The following TNRC6B variants were observed in gnomAD, a reference collection of about 807,000 sequenced individuals.
TNRC6B encodes trinucleotide repeat containing adaptor 6B.
TNRC6B carries 52 observed loss-of-function variants against 203.6 expected under a neutral mutation model. The observed-to-expected ratio is 0.26, with a 90% confidence interval of 0.20 to 0.32. The LOEUF (loss-of-function observed/expected upper bound fraction) is 0.32, where lower values mean the gene tolerates loss of function less well. Among genes scored for constraint, TNRC6B ranks in the 10% least tolerant of loss-of-function variants. The probability of loss-of-function intolerance (pLI) is 1.00; values close to 1 mark genes in which losing one functional copy is unlikely to be tolerated. For missense variants in TNRC6B, 1,923 were observed against 2,286.2 expected (o/e 0.84, Z 3.24); for synonymous variants, 838 against 845.7 (o/e 0.99, Z 0.16).
intron 3 of TNRC6B, among the ~76,000 whole-genome samples, chr22:40,146,761 C>T (rs895948169): frequency 3.3e-5 from 5 of 152,036 alleles, no homozygotes; most frequent in African/African-American, 7.2e-5. Flanking sequence ...GACAGGGTTT[C>T]GCCATGTTGG....
chr22:40,183,243 G>A (rs534718057), intron 1 of TNRC6B, among the ~76,000 whole-genome samples: 2 of 152,290 alleles, frequency 1.3e-5, no homozygotes, highest in South Asian at 2.1e-4. Context: ...TTGTTGCTTA[G>A]TAAGTGTTTC....
intron 1 of TNRC6B, among the ~76,000 whole-genome samples, chr22:40,245,576 A>T (rs2070095732): frequency 6.6e-6 from 1 of 152,154 alleles, no homozygotes; most frequent in Non-Finnish European, 1.5e-5. Flanking sequence ...AAATGGGAAA[A>T]CACCTAATTT....
At chr22:40,297,575 A>G (rs984157296) in intron 12 of TNRC6B, among the ~76,000 whole-genome samples, 3 of 152,158 alleles carry the variant, frequency 2.0e-5, no homozygotes, top group Admixed American at 6.5e-5. Flanking sequence ...TGTAATCCCA[A>G]TACTTCGGGA....
intron 2 of TNRC6B, among the ~76,000 whole-genome samples, chr22:40,122,486 G>A (rs1394737475): frequency 2.0e-5 from 3 of 152,232 alleles, no homozygotes; most frequent in African/African-American, 7.2e-5. Flanking sequence ...GTTTATGGGT[G>A]GAGGAGAAGA....
At chr22:40,116,578 C>CA (rs1443993347) in intron 1 of TNRC6B, among the ~76,000 whole-genome samples, 1 of 152,000 alleles carries the variant, frequency 6.6e-6, no homozygotes, top group Non-Finnish European at 1.5e-5. Context: ...GAAATGGCCC[C>CA]AACAAGCAAG....
intron 12 of TNRC6B, 135 bp downstream of exon 12, chr22:40,285,905 C>G (rs951270097): frequency 8.4e-7 from 1 of 1,196,378 alleles, no homozygotes; most frequent in Non-Finnish European, 1.2e-6. Flanking sequence ...CTTTTCTTGA[C>G]CTTTTGGCTA....
chr22:40,305,576 G>T (rs2071078547), intron 15 of TNRC6B, among the ~76,000 whole-genome samples: 1 of 152,160 alleles, frequency 6.6e-6, no homozygotes, highest in African/African-American at 2.4e-5. Context: ...CTAGCGTCAG[G>T]CTGGTTACTA....
intron 12 of TNRC6B, among the ~76,000 whole-genome samples, chr22:40,294,073 C>CA (rs11354611): frequency 0.028 from 2,223 of 80,290 alleles, 87 homozygotes; most frequent in African/African-American, 0.099. Context: ...CCCATCTCTA[C>CA]AAAAAAAAAA....
chr22:40,266,711 GC>G lies in TNRC6B; in HGVS notation c.2482del (p.Gln828SerfsTer80), dbSNP rs1288176348. 1 of 1,613,756 alleles carries G rather than the reference GC, an allele frequency of 6.2e-7. No individual in the cohort carries two copies. Among genetic ancestry groups the G allele is most frequent in the Non-Finnish European group, 8.5e-7 (1 of 1,179,874 alleles). On this transcript the variant is annotated frameshift_variant, in exon 5 of 23. Transcript: ENST00000454349. LOFTEE classifies it high-confidence loss of function. Reference protein sequence around the residue: ...KQHQQQQPPQQPPPPQPEASG... With the variant: ...KQHQQQQPPQXPPPPQPEASG... ...AACACCAACAGCAGCAGCCCCCACA[GC>G]AGCCGCCGCCACCACAACCAGAGGC...
intron 1 of TNRC6B, among the ~76,000 whole-genome samples, chr22:40,215,624 A>G (rs138019): frequency 0.58 from 87,976 of 152,102 alleles, 29,602 homozygotes; most frequent in East Asian, 0.93. Flanking sequence ...ACACTGGCCC[A>G]AAGCTCCATG....
At chr22:40,282,206 A>G (rs1236919979) in intron 11 of TNRC6B, among the ~76,000 whole-genome samples, 8 of 152,206 alleles carry the variant, frequency 5.3e-5, no homozygotes, top group Admixed American at 5.2e-4. Flanking sequence ...TCCATATGAT[A>G]ACTTCCACAT....
At chr22:40,152,808 A>C (rs975129057) in intron 3 of TNRC6B, among the ~76,000 whole-genome samples, 4 of 151,734 alleles carry the variant, frequency 2.6e-5, no homozygotes, top group African/African-American at 7.3e-5. Context: ...GGGTAAAAAA[A>C]ATGTTTTTAT....
chr22:40,310,872 TATC>T lies in TNRC6B; in HGVS notation c.4318_4320del (p.Ile1440del), dbSNP rs2071169026. 11 of 1,612,880 alleles carry T rather than the reference TATC, an allele frequency of 6.8e-6. No homozygotes were observed. The highest frequency in any genetic ancestry group is 9.3e-6 in the Non-Finnish European group (11 of 1,179,516). On this transcript the variant is annotated inframe_deletion, in exon 17 of 23. Transcript: ENST00000454349. ...GAGGGTCACCGTACAACCAGTTTGA[TATC>T]ATCCCTGGTGACACACTGGGTGGCC...
intron 15 of TNRC6B, among the ~76,000 whole-genome samples, chr22:40,305,510 A>G (rs1028372863): frequency 2.0e-5 from 3 of 152,226 alleles, no homozygotes; most frequent in African/African-American, 7.2e-5. Flanking sequence ...TGCACCCACT[A>G]GAGCACAGTG....
At chr22:40,104,103 T>C (rs555305703) in intron 1 of TNRC6B, among the ~76,000 whole-genome samples, 24 of 151,936 alleles carry the variant, frequency 1.6e-4, no homozygotes, top group Non-Finnish European at 3.4e-4. Flanking sequence ...ATAGAAAAAT[T>C]AGCCAGGCGT....
intron 12 of TNRC6B, among the ~76,000 whole-genome samples, chr22:40,297,487 A>G (rs1316462666): frequency 6.6e-6 from 1 of 152,220 alleles, no homozygotes; most frequent in African/African-American, 2.4e-5. Flanking sequence ...TGCCATGCTC[A>G]TAAAGATATA....
rs532005364 is a variant in TNRC6B at position 40,069,544 on chromosome 22, A to G, written c.-121+24546A>G. ...CTCTCATTGCCCCAGCTGGAGTGCA[A>G]TGGCGTGATCTCGGCTCACCGCAAC... is the stretch of plus-strand genomic sequence containing the variant. On this transcript the variant is annotated intron_variant, in intron 1 of 23. Coordinates refer to the TNRC6B transcript ENST00000301923. 2.0e-5 allele frequency among the ~76,000 whole-genome samples: 3 copies of G among 150,244 alleles called. No individual in the cohort carries two copies. In the East Asian group the frequency reaches 5.9e-4, roughly 30 times the overall value.
At chr22:40,239,945 CT>C (rs2070005299) in intron 1 of TNRC6B, among the ~76,000 whole-genome samples, 1 of 152,058 alleles carries the variant, frequency 6.6e-6, no homozygotes, top group Admixed American at 6.6e-5. Context: ...TCAAATGACT[CT>C]CCTGCCTCAG....
intron 1 of TNRC6B, among the ~76,000 whole-genome samples, chr22:40,244,847 T>C (rs1190578102): frequency 6.6e-6 from 1 of 152,218 alleles, no homozygotes; most frequent in Non-Finnish European, 1.5e-5. Context: ...GTATGTTTTT[T>C]CCCAGTTGAT....
Sources: gnomAD v4.1 joint callset for allele counts (sites outside exome capture counted in the v4.1 genomes callset) on GRCh38, gnomAD v4.1.1 for gene constraint, MANE v1.5 for transcripts, NCBI Gene and HGNC (gene_info 2026-07-23, HGNC 2026-07-21) for gene names.